IPO11: variants seen among roughly 807,000 people sequenced by gnomAD.
IPO11 encodes importin 11, also known as importin-11.
IPO11 carries 66 observed loss-of-function variants against 143.2 expected under a neutral mutation model. The observed-to-expected ratio is 0.46, with a 90% CI of 0.38 to 0.57. The LOEUF is 0.57. Among genes scored for constraint, IPO11 ranks in the 20% least tolerant of loss-of-function variants. The pLI is 0.00. For synonymous variants in IPO11, 385 were observed against 377.8 expected, an observed-to-expected ratio of 1.02 and a Z score of -0.22; for missense variants, 1,026 against 1,141.0, an observed-to-expected ratio of 0.90 and a Z score of 1.45.
chr5:62,484,011 T>C lies in IPO11; in HGVS notation c.1023T>C (p.Asp341=). 6.3e-7 allele frequency: 1 copy of C among 1,599,606 alleles called. No individual in the cohort carries two copies. Among genetic ancestry groups the C allele is most frequent in the Non-Finnish European group, 8.5e-7 (1 of 1,175,524 alleles). The change falls in exon 11 of 30, where the codon GAT becomes GAC. Residue 341 remains aspartate, a splice_region_variant and synonymous_variant. Coordinates refer to ENST00000325324, the MANE Select transcript of IPO11 (RefSeq NM_016338.5). ...AACTTGGAAATTTCATTTTTCTAGA[T>C]AGCAGCCCTGAAACTCTTGAAGCCC... is the stretch of plus-strand genomic sequence containing the variant. ...YAYKPSKNFE[D]SSPETLEAHK...
chr5:62,497,246 T>C (rs1270680974), intron 16 of IPO11, among the ~76,000 whole-genome samples: 2 of 152,322 alleles, frequency 1.3e-5, no homozygotes, highest in Non-Finnish European at 1.5e-5. Flanking sequence ...GGCTACCCCA[T>C]AGGCAAGAAT....
chr5:62,491,666 G>GTTTT (rs372842718), intron 15 of IPO11, among the ~76,000 whole-genome samples: 1 of 140,038 alleles, frequency 7.1e-6, no homozygotes, highest in Non-Finnish European at 1.6e-5. Context: ...ATATTAATAA[G>GTTTT]TTTTTTTTTT....
At chr5:62,552,040 C>T (rs905976227) in intron 26 of IPO11, among the ~76,000 whole-genome samples, 7 of 152,112 alleles carry the variant, frequency 4.6e-5, no homozygotes, top group Middle Eastern at 6.8e-3. Flanking sequence ...AGGAGAATGG[C>T]GTGAACCCGG....
rs577751409 is a variant in IPO11, at chr5:62,465,749, C to G, written c.517-1382C>G. Among the ~76,000 whole-genome samples, 23 of 152,312 alleles carry G rather than the reference C, an allele frequency of 1.5e-4. No individual in the cohort carries two copies. In the South Asian group the frequency reaches 4.6e-3, roughly 30 times the overall value. On this transcript the variant is annotated intron_variant, in intron 5 of 29. Transcript: ENST00000325324. ...TGAGGAAGGGCCAAGGCATCCCTGA[C>G]TGATTTAGTTTGTAAAGATACAGTG...
chr5:62,507,268 T>G (rs1472874819), intron 19 of IPO11, among the ~76,000 whole-genome samples: 1 of 152,192 alleles, frequency 6.6e-6, no homozygotes, highest in Non-Finnish European at 1.5e-5. Context: ...ACTCCCGTGG[T>G]AGGGTTGAGT....
intron 16 of IPO11, among the ~76,000 whole-genome samples, chr5:62,503,265 C>G (rs1231207677): frequency 6.6e-6 from 1 of 150,834 alleles, no homozygotes; most frequent in African/African-American, 2.4e-5. Flanking sequence ...AGGGGATTGT[C>G]CTGTGCTTAA....
intron 26 of IPO11, among the ~76,000 whole-genome samples, chr5:62,553,327 T>A (rs975781582): frequency 1.7e-4 from 12 of 68,838 alleles, no homozygotes; most frequent in Non-Finnish European, 2.9e-4. Context: ...CGTGTGAGTG[T>A]GTGTGTGTGT....
At chr5:62,465,373 A>G (rs1489441917) in intron 5 of IPO11, among the ~76,000 whole-genome samples, 1 of 152,212 alleles carries the variant, frequency 6.6e-6, no homozygotes, top group Non-Finnish European at 1.5e-5. Flanking sequence ...AAAAATACGA[A>G]TTCATTTTAT....
intron 22 of IPO11, among the ~76,000 whole-genome samples, chr5:62,534,892 C>A (rs1742681934): frequency 6.6e-6 from 1 of 152,078 alleles, no homozygotes; most frequent in Non-Finnish European, 1.5e-5. Flanking sequence ...TGAAGTATAA[C>A]TTCTTGGTAT....
chr5:62,413,707 G>A (rs1007392668), intron 1 of IPO11, among the ~76,000 whole-genome samples: 1 of 152,184 alleles, frequency 6.6e-6, no homozygotes, highest in Non-Finnish European at 1.5e-5. Context: ...GCGCGGTAGT[G>A]CCCTTCAGAT....
At position 62,627,539 on chromosome 5, in the gene IPO11, G is replaced by A; in HGVS notation, c.*221G>A. On this transcript the variant is annotated 3_prime_UTR_variant, in exon 30 of 30. Transcript: ENST00000325324. ...AATTTAATTTTATATTTATGAGGGGGCCCTTCACTAAAAAGTACATGTAAA... is the reference window on the plus strand; with the variant it reads ...AATTTAATTTTATATTTATGAGGGGACCCTTCACTAAAAAGTACATGTAAA... 2.5e-6 allele frequency: 1 copy of A among 397,838 alleles called. No individual in the cohort carries two copies. The highest frequency in any genetic ancestry group is 4.4e-6 in the Non-Finnish European group (1 of 226,054). 24.6% of individuals were successfully genotyped at this position (397,838 alleles called of 1,614,324 possible). A position where few individuals can be genotyped will look rare whatever the true frequency, so the allele number is the denominator to read the frequency against.
chr5:62,420,340 A>T (rs1743468076), intron 1 of IPO11, among the ~76,000 whole-genome samples: 1 of 152,000 alleles, frequency 6.6e-6, no homozygotes, highest in Admixed American at 6.6e-5. Context: ...TAAACCAGTA[A>T]CATAGTTGCT....
intron 4 of IPO11, among the ~76,000 whole-genome samples, chr5:62,451,114 A>G (rs1389445405): frequency 1.3e-5 from 2 of 152,206 alleles, no homozygotes; most frequent in Non-Finnish European, 2.9e-5. Flanking sequence ...AAACACTGAT[A>G]TGTAGAAATA....
intron 9 of IPO11, among the ~76,000 whole-genome samples, chr5:62,480,278 A>G (rs1050118651): frequency 6.6e-6 from 1 of 152,078 alleles, no homozygotes; most frequent in African/African-American, 2.4e-5. Context: ...TGAGAGCCCT[A>G]TTCTGTTCCG....
intron 1 of IPO11, among the ~76,000 whole-genome samples, chr5:62,426,561 TG>T (rs1256428356): frequency 1.3e-4 from 20 of 152,198 alleles, no homozygotes; most frequent in African/African-American, 4.8e-4. Context: ...GAAGTTGGGA[TG>T]TTTTTGGAGA....
chr5:62,481,788 A>T (rs1746222654), intron 9 of IPO11, among the ~76,000 whole-genome samples: 1 of 152,188 alleles, frequency 6.6e-6, no homozygotes, highest in South Asian at 2.1e-4. Flanking sequence ...TGGTATCAGG[A>T]TGATGCTGGC....
At chr5:62,435,132 A>G (rs571508865) in intron 1 of IPO11, among the ~76,000 whole-genome samples, 2,748 of 69,770 alleles carry the variant, frequency 0.039, 142 homozygotes, top group South Asian at 0.051. Flanking sequence ...ATATGTATAT[A>G]TATGTATATA....
intron 29 of IPO11, among the ~76,000 whole-genome samples, chr5:62,620,517 TAAAAAAAA>T (rs71608518): frequency 1.9e-5 from 2 of 105,808 alleles, no homozygotes; most frequent in African/African-American, 3.6e-5. Context: ...AGACTCTGTC[TAAAAAAAA>T]AAAAAAAAAA....
intron 16 of IPO11, among the ~76,000 whole-genome samples, chr5:62,501,552 A>G (rs1741348914): frequency 6.6e-6 from 1 of 152,096 alleles, no homozygotes; most frequent in Admixed American, 6.5e-5. Flanking sequence ...ATTTATTTTT[A>G]TTTTATCTCT....
Sources: allele counts gnomAD v4.1 joint callset (sites outside exome capture counted in the v4.1 genomes callset), GRCh38; gene constraint gnomAD v4.1.1; transcripts MANE v1.5; gene names NCBI Gene and HGNC (gene_info 2026-07-23, HGNC 2026-07-21).